The following PDCD11 variants were observed in gnomAD, a reference collection of about 807,000 sequenced individuals.
PDCD11 encodes programmed cell death 11.
PDCD11 carries 97 observed loss-of-function variants against 198.9 expected under a neutral mutation model. The ratio of observed to expected loss-of-function variants is 0.49; its 90% CI spans 0.41 to 0.58. The LOEUF (loss-of-function observed/expected upper bound fraction) is 0.58, where lower values mean the gene tolerates loss of function less well. Ranked by LOEUF, PDCD11 falls within the 20% of genes least tolerant of loss-of-function variation. PDCD11 has a pLI of 0.00. For synonymous variants in PDCD11, 893 were observed against 918.0 expected (o/e 0.97, Z 0.49); for missense variants, 2,102 against 2,312.7 (o/e 0.91, Z 1.87).
intron 32 of PDCD11, among the ~76,000 whole-genome samples, chr10:103,442,797 G>A (rs1475214186): frequency 1.3e-5 from 2 of 152,156 alleles, no homozygotes; most frequent in Non-Finnish European, 2.9e-5. Context: ...CCAAACAGAG[G>A]GAGTTTTTGA....
chr10:103,433,896 G>A (rs905584035), intron 22 of PDCD11, 52 bp from the exon 23 acceptor site: 13 of 1,405,484 alleles, frequency 9.2e-6, no homozygotes, highest in Admixed American at 1.7e-5. Flanking sequence ...TTTTAATGGC[G>A]GGAAACCTTG....
At chr10:103,444,095 C>A in intron 34 of PDCD11, 27 bp downstream of exon 34, 1 of 1,598,270 alleles carries the variant, frequency 6.3e-7, no homozygotes, top group African/African-American at 1.3e-5. Context: ...AGCTCCTGAG[C>A]CCATGAGCAC....
At chr10:103,439,609 C>T (rs1245180087) in intron 27 of PDCD11, 137 bp from the exon 28 acceptor site, 1 of 932,186 alleles carries the variant, frequency 1.1e-6, no homozygotes, top group Admixed American at 2.0e-5. Flanking sequence ...CCACTTCATC[C>T]TGCTGAATGC....
intron 2 of PDCD11, among the ~76,000 whole-genome samples, 181 bp from the exon 3 acceptor site, chr10:103,400,216 G>A (rs547365175): frequency 7.6e-6 from 1 of 131,446 alleles, no homozygotes; most frequent in South Asian, 2.5e-4. Context: ...GAACATTGGC[G>A]GCCCCCCCCC....
At position 103,421,534 on chromosome 10, in the gene PDCD11, C is replaced by T. The variant is rs11191685; in HGVS notation, c.2464C>T (p.Leu822=). 1.0e-5 allele frequency: 16 copies of T among 1,573,222 alleles called. No individual in the cohort carries two copies. The East Asian group carries it at 3.7e-4, about 36-fold the overall frequency. The change falls in exon 17 of 36, where the codon CTG becomes TTG. Residue 822 remains leucine (L), a synonymous_variant. Coordinates refer to ENST00000369797, the MANE Select transcript of PDCD11 (RefSeq NM_014976.2). ...LLLLNQCLEE[L]QGVRSLMSNR... The stretch of plus-strand genomic sequence containing the variant: ...CCTCCTGAATCAGTGCCTGGAGGAG[C>T]TGCAGGGCGTGCGCAGCCTTATGAG...
intron 25 of PDCD11, 94 bp from the exon 26 acceptor site, chr10:103,437,921 C>T: frequency 2.1e-6 from 2 of 949,610 alleles, no homozygotes; most frequent in Non-Finnish European, 1.7e-6. Context: ...CTCACTCCTG[C>T]CTATTCGTCA....
At chr10:103,431,981 C>A (rs747719639) in intron 21 of PDCD11, 148 bp from the exon 22 acceptor site, 6 of 584,598 alleles carry the variant, frequency 1.0e-5, no homozygotes, top group Non-Finnish European at 1.6e-5. Context: ...GTGGACATTC[C>A]CCTTTGAGGA....
intron 21 of PDCD11, among the ~76,000 whole-genome samples, chr10:103,428,239 AGGTTGGAGTAAG>A: frequency 6.6e-6 from 1 of 151,826 alleles, no homozygotes; most frequent in East Asian, 1.9e-4. Context: ...TGGGAGACGG[AGGTTGGAGTAAG>A]TCAAAATCTC....
chr10:103,442,510 G>C, intron 32 of PDCD11, 50 bp downstream of exon 32: 2 of 1,583,886 alleles, frequency 1.3e-6, no homozygotes, highest in Non-Finnish European at 1.7e-6. Flanking sequence ...TTCTGGGCTG[G>C]GAAGTTTCTC....
At chr10:103,432,830 G>A (rs1021270311) in intron 22 of PDCD11, among the ~76,000 whole-genome samples, 6 of 152,292 alleles carry the variant, frequency 3.9e-5, no homozygotes, top group South Asian at 2.1e-4. Flanking sequence ...ATGCCTTAGC[G>A]TGGCAGATAA....
rs985650868 is a variant in PDCD11 at position 103,438,695 on chromosome 10, G to A, written c.3912G>A (p.Pro1304=). The A allele has an allele frequency of 1.1e-5, 18 of 1,614,044 alleles. No individual in the cohort carries two copies. In the Middle Eastern group the frequency reaches 4.9e-4, roughly 44 times the overall value. The change falls in exon 27 of 36, where the codon CCG becomes CCA. Residue 1304 remains proline, a synonymous_variant. Transcript: ENST00000369797. Reference sequence around the variant, plus strand: ...CCTTTTATTCCTTTAGAACAAACCCGGAGACGAAAAGCAAAGTAGAAGATC... The same window carrying A: ...CCTTTTATTCCTTTAGAACAAACCCAGAGACGAAAAGCAAAGTAGAAGATC... The part of the protein sequence containing the change: ...TLSLRSSRTN[P]ETKSKVEDPE...
rs750381991 is a variant in PDCD11, at chr10:103,440,509, G to A, written c.4368G>A (p.Glu1456=). ...AGGAGGTGGAGATGCCCAGCAAGGA[G>A]AAGCAACAGCCCCAGAAGCCACAGG... The part of the protein sequence containing the change: ...GQEEVEMPSK[E]KQQPQKPQAQ... Residue 1456 remains glutamate (E), a synonymous_variant, in exon 29 of 36, where the codon GAG becomes GAA. Coordinates refer to ENST00000369797, the MANE Select transcript of PDCD11 (RefSeq NM_014976.2). 2 of 1,613,736 alleles carry A rather than the reference G, an allele frequency of 1.2e-6. No individual in the cohort carries two copies. Among genetic ancestry groups the A allele is most frequent in the South Asian group, 2.2e-5 (2 of 91,066 alleles).
intron 17 of PDCD11, among the ~76,000 whole-genome samples, chr10:103,422,766 C>T (rs1329217197): frequency 6.6e-6 from 1 of 152,066 alleles, no homozygotes; most frequent in East Asian, 1.9e-4. Flanking sequence ...TTGGCTACTC[C>T]CATGAATTAT....
chr10:103,432,123 A>T lies in PDCD11; in HGVS notation c.3369-6A>T. ...TTTACTGTTTACATTTCCTTTCTGC[A>T]AACAGTGAGCTGGAGGATGGCCACA... On this transcript the variant is annotated splice_polypyrimidine_tract_variant and splice_region_variant and intron_variant, in intron 21 of 35. Coordinates refer to ENST00000369797, the MANE Select transcript of PDCD11 (RefSeq NM_014976.2). 1 of 1,607,634 alleles carries T rather than the reference A, an allele frequency of 6.2e-7. No homozygotes were observed.
chr10:103,405,090 C>T lies in PDCD11; in HGVS notation c.471C>T (p.Gly157=). The part of the protein sequence containing the change: ...MLVRCVVSSL[G]ITDRGKKSVK... Reference sequence around the variant, plus strand: ...TAAGATGTGTGGTGAGCAGTCTGGGCATCACAGACAGGGGCAAGAAGAGTG... The same window carrying T: ...TAAGATGTGTGGTGAGCAGTCTGGGTATCACAGACAGGGGCAAGAAGAGTG... Residue 157 remains glycine, a synonymous_variant, in exon 5 of 36, where the codon GGC becomes GGT. Coordinates refer to ENST00000369797, the MANE Select transcript of PDCD11 (RefSeq NM_014976.2). The T allele has an allele frequency of 6.2e-7, 1 of 1,613,984 alleles. No homozygotes were observed. Among genetic ancestry groups the T allele is most frequent in the South Asian group, 1.1e-5 (1 of 91,070 alleles).
Position 103,421,735 on chromosome 10 carries a change from C to T in PDCD11, c.2497+168C>T, listed in dbSNP as rs553992316. 2.4e-3 allele frequency among the ~76,000 whole-genome samples: 371 copies of T among 151,780 alleles called. 7 individuals carry two copies. The highest frequency in any genetic ancestry group is 9.3e-4 in the Non-Finnish European group (63 of 67,904). The stretch of plus-strand genomic sequence containing the variant: ...ATCCCAGCACTTTGGGAGGCCGAGG[C>T]GGGTGGATCATGAGGTCAGGAGATC... On this transcript the variant is annotated intron_variant, in intron 17 of 35. Coordinates refer to ENST00000369797, the MANE Select transcript of PDCD11 (RefSeq NM_014976.2).
intron 17 of PDCD11, among the ~76,000 whole-genome samples, chr10:103,422,373 G>A (rs2031487975): frequency 6.6e-6 from 1 of 151,454 alleles, no homozygotes; most frequent in African/African-American, 2.4e-5. Flanking sequence ...GAGCCACTGC[G>A]CCCGGCCAAA....
At chr10:103,400,334 G>A (rs2029941069) in intron 2 of PDCD11, 63 bp from the exon 3 acceptor site, 3 of 1,541,700 alleles carry the variant, frequency 1.9e-6, no homozygotes, top group Non-Finnish European at 2.6e-6. Context: ...TGAAATAGGA[G>A]GGAAAACTCA....
At chr10:103,434,636 C>T (rs1409391919) in intron 24 of PDCD11, 162 bp from the exon 25 acceptor site, 2 of 618,632 alleles carry the variant, frequency 3.2e-6, no homozygotes, top group South Asian at 2.2e-5. Context: ...AGGTCCTTGG[C>T]TACATGGCAG....
Sources: allele counts gnomAD v4.1 joint callset (sites outside exome capture counted in the v4.1 genomes callset), GRCh38; gene constraint gnomAD v4.1.1; transcripts MANE v1.5; gene names NCBI Gene and HGNC (gene_info 2026-07-23, HGNC 2026-07-21).